CSMD3: variants seen among roughly 807,000 people sequenced by gnomAD.
CSMD3 encodes CUB and Sushi multiple domains 3, also known as CUB and sushi domain-containing protein 3.
A neutral mutation model predicts 435.2 loss-of-function variants in CSMD3; 177 were observed. The ratio of observed to expected loss-of-function variants is 0.41; its 90% CI spans 0.36 to 0.46. The LOEUF is 0.46. CSMD3 is among the 20% of genes least tolerant of loss of function. The probability of loss-of-function intolerance (pLI) is 0.34; values close to 1 mark genes in which losing one functional copy is unlikely to be tolerated. For missense variants in CSMD3, 4,265 were observed against 4,504.6 expected, an observed-to-expected ratio of 0.95 and a Z score of 1.52; for synonymous variants, 1,656 against 1,520.5, an observed-to-expected ratio of 1.09 and a Z score of -2.07.
chr8:113,205,531 G>A (rs756624339), intron 3 of CSMD3, among the ~76,000 whole-genome samples: 8 of 152,094 alleles, frequency 5.3e-5, no homozygotes, highest in Non-Finnish European at 8.8e-5. Flanking sequence ...CTAGGTTTGT[G>A]TATGTACACT....
chr8:112,460,370 G>A (rs1817322155), intron 32 of CSMD3, among the ~76,000 whole-genome samples: 1 of 151,690 alleles, frequency 6.6e-6, no homozygotes, highest in African/African-American at 2.4e-5. Context: ...AGAAGCAAAG[G>A]GGTTAAGTAA....
intron 7 of CSMD3, among the ~76,000 whole-genome samples, chr8:112,965,460 A>G (rs2084382740): frequency 1.3e-5 from 2 of 151,976 alleles, no homozygotes; most frequent in African/African-American, 4.8e-5. Flanking sequence ...AAAAAAACAA[A>G]GTGGCTGAAA....
At chr8:113,227,116 C>A (rs964774713) in intron 3 of CSMD3, among the ~76,000 whole-genome samples, 1 of 151,404 alleles carries the variant, frequency 6.6e-6, no homozygotes, top group African/African-American at 2.4e-5. Context: ...CAACAATATT[C>A]TTTTACATCA....
chr8:112,503,953 GTCA>G lies in CSMD3; in HGVS notation c.4917_4919del (p.Asp1640del). 1 of 1,605,302 alleles carries G rather than the reference GTCA, an allele frequency of 6.2e-7. No individual in the cohort carries two copies. Among genetic ancestry groups the G allele is most frequent in the Non-Finnish European group, 8.5e-7 (1 of 1,173,344 alleles). ...CTGGTCCATCATAGATATAGAGGAA[GTCA>G]TAGTTTGGTTCTATGCTAAAACTGA... On this transcript the variant is annotated inframe_deletion, in exon 30 of 71. Transcript: ENST00000297405.
intron 10 of CSMD3, among the ~76,000 whole-genome samples, chr8:112,899,096 T>G: frequency 6.6e-6 from 1 of 151,234 alleles, no homozygotes; most frequent in East Asian, 2.0e-4. Flanking sequence ...CACCATGAAA[T>G]GTTTAAAATA....
chr8:112,833,368 G>C (rs1164939403), intron 11 of CSMD3, among the ~76,000 whole-genome samples: 1 of 151,636 alleles, frequency 6.6e-6, no homozygotes, highest in South Asian at 2.1e-4. Context: ...AATGCTTTTT[G>C]TTATTGAAAG....
rs180910502 is a variant in CSMD3 at position 112,936,118 on chromosome 8, G to A, written c.1508+11672C>T. Among the ~76,000 whole-genome samples, 277 of 152,000 alleles carry A rather than the reference G, an allele frequency of 1.8e-3. 1 individual carries two copies. The highest frequency in any genetic ancestry group is 4.8e-3 in the African/African-American group (199 of 41,492). On this transcript the variant is annotated intron_variant, in intron 9 of 70. Transcript: ENST00000297405. ...ATAGTCTGTTGTCACAGACTTCCTCGCTTCTGCTATTTCCACATTTAGTTT... is the reference window on the plus strand; with the variant it reads ...ATAGTCTGTTGTCACAGACTTCCTCACTTCTGCTATTTCCACATTTAGTTT...
At chr8:113,316,837 C>A (rs1472924244) in intron 1 of CSMD3, among the ~76,000 whole-genome samples, 1 of 152,086 alleles carries the variant, frequency 6.6e-6, no homozygotes, top group Non-Finnish European at 1.5e-5. Flanking sequence ...GAGTGAGCCA[C>A]TGGCCAGGCC....
At chr8:112,250,750 T>C (rs905763381) in intron 63 of CSMD3, among the ~76,000 whole-genome samples, 2 of 151,862 alleles carry the variant, frequency 1.3e-5, no homozygotes, top group Non-Finnish European at 2.9e-5. Context: ...ATAATTAATA[T>C]TGAAAGTTTT....
intron 10 of CSMD3, among the ~76,000 whole-genome samples, chr8:112,893,284 G>A (rs1272023825): frequency 6.6e-6 from 1 of 151,342 alleles, no homozygotes; most frequent in African/African-American, 2.4e-5. Context: ...TCAATGTACA[G>A]CAAAGATTGA....
intron 1 of CSMD3, among the ~76,000 whole-genome samples, chr8:113,336,859 C>A (rs1358779413): frequency 6.6e-6 from 1 of 152,110 alleles, no homozygotes; most frequent in Admixed American, 6.6e-5. Context: ...GATGAGTATT[C>A]TAGCTCTTTC....
chr8:112,859,385 A>C (rs2080760962), intron 10 of CSMD3, 119 bp from the exon 11 acceptor site: 1 of 846,140 alleles, frequency 1.2e-6, no homozygotes, highest in Admixed American at 2.0e-5. Context: ...ACATTGAAAT[A>C]TATATTATGG....
At chr8:112,650,933 A>G (rs537236553) in intron 18 of CSMD3, among the ~76,000 whole-genome samples, 98 of 95,108 alleles carry the variant, frequency 1.0e-3, no homozygotes, top group African/African-American at 3.8e-3. Flanking sequence ...TTTTCCTTTA[A>G]TAAGATATGG....
At position 112,390,881 on chromosome 8, in the gene CSMD3, T is replaced by C. The variant is rs556650395; in HGVS notation, c.5810-93A>G. The C allele has an allele frequency of 5.2e-6, 6 of 1,161,090 alleles. No homozygotes were observed. The East Asian group carries it at 1.2e-4, about 24-fold the overall frequency. The allele number at this position is 1,161,090 out of a possible 1,614,324, so 71.9% of individuals were successfully genotyped here. A position where few individuals can be genotyped will look rare whatever the true frequency, so the allele number is the denominator to read the frequency against. ...CAGAGATAACATCTTAGACAGATAC[T>C]AGACTTGCAAATCAAATCATACTTT... is the stretch of plus-strand genomic sequence containing the variant. On this transcript the variant is annotated intron_variant, in intron 35 of 70. Transcript: ENST00000297405.
intron 5 of CSMD3, among the ~76,000 whole-genome samples, chr8:113,022,650 A>T: frequency 6.6e-6 from 1 of 151,658 alleles, no homozygotes; most frequent in Non-Finnish European, 1.5e-5. Context: ...TAAACCACTA[A>T]AGGGGATTTA....
chr8:112,624,514 C>T (rs546694801), intron 22 of CSMD3, among the ~76,000 whole-genome samples: 2 of 152,196 alleles, frequency 1.3e-5, no homozygotes, highest in Non-Finnish European at 2.9e-5. Flanking sequence ...ATCTGGAAGA[C>T]AGACAAATCT....
intron 6 of CSMD3, among the ~76,000 whole-genome samples, chr8:113,006,627 T>C (rs2086067414): frequency 6.6e-6 from 1 of 151,846 alleles, no homozygotes; most frequent in Admixed American, 6.6e-5. Context: ...AGAGCATCTG[T>C]GTTGGGATAA....
At position 112,492,694 on chromosome 8, in the gene CSMD3, G is replaced by A. The variant is rs2056425; in HGVS notation, c.5084-11C>T. ...ACTCTCGCAGTTTTGCTGTAAAACA[G>A]TGTTAGTATAACATTAATTGCTTTA... is the stretch of plus-strand genomic sequence containing the variant. On this transcript the variant is annotated splice_polypyrimidine_tract_variant and intron_variant, in intron 30 of 70. Transcript: ENST00000297405. 20 of 1,608,870 alleles carry A rather than the reference G, an allele frequency of 1.2e-5. No homozygotes were observed. The South Asian group carries it at 1.3e-4, about 11-fold the overall frequency.
chr8:112,888,860 A>C (rs1427352124), intron 10 of CSMD3, among the ~76,000 whole-genome samples: 1 of 151,728 alleles, frequency 6.6e-6, no homozygotes, highest in Non-Finnish European at 1.5e-5. Context: ...CACCTGCATG[A>C]AACTTAACTG....
Sources: allele counts gnomAD v4.1 joint callset (sites outside exome capture counted in the v4.1 genomes callset), GRCh38; gene constraint gnomAD v4.1.1; transcripts MANE v1.5; gene names NCBI Gene and HGNC (gene_info 2026-07-23, HGNC 2026-07-21).